ASXL2: variants seen among roughly 807,000 people sequenced by gnomAD.
ASXL2 encodes ASXL transcriptional regulator 2.
ASXL2 carries 23 observed loss-of-function variants against 122.0 expected under a neutral mutation model. That is an observed-to-expected ratio of 0.19 (90% CI 0.14 to 0.27). The LOEUF is 0.27. ASXL2 is among the 10% of genes least tolerant of loss of function. The pLI is 1.00. For synonymous variants in ASXL2, 650 were observed against 637.0 expected (o/e 1.02, Z -0.31); for missense variants, 1,518 against 1,713.8 (o/e 0.89, Z 2.02).
At chr2:25,763,674 T>G (rs1439702821) in intron 8 of ASXL2, among the ~76,000 whole-genome samples, 3 of 152,188 alleles carry the variant, frequency 2.0e-5, no homozygotes, top group African/African-American at 7.2e-5. Flanking sequence ...ACATAGGGCT[T>G]CCTAAGTGCC....
At position 25,845,439 on chromosome 2, in the gene ASXL2, T is replaced by A. The variant is rs538517276; in HGVS notation, c.140+42A>T. ...TATTATATACTACCAAATACTCTGA[T>A]CAAGTATTATAATTATTACTAAAAA... is the stretch of plus-strand genomic sequence containing the variant. On this transcript the variant is annotated intron_variant, in intron 2 of 12. Coordinates refer to ENST00000435504, the MANE Select transcript of ASXL2 (RefSeq NM_018263.6). The A allele has an allele frequency of 3.7e-4, 494 of 1,350,542 alleles. 1 individual carries two copies. In the African/African-American group the frequency reaches 6.9e-3, roughly 19 times the overall value. The allele number at this position is 1,350,542 out of a possible 1,614,324, so 83.7% of individuals were successfully genotyped here.
chr2:25,874,480 C>T (rs1392788194), intron 1 of ASXL2, among the ~76,000 whole-genome samples: 1 of 152,134 alleles, frequency 6.6e-6, no homozygotes, highest in Non-Finnish European at 1.5e-5. Flanking sequence ...CCAAGTGAGA[C>T]CCCGTCTCAC....
At chr2:25,793,095 T>C (rs1427496158) in intron 5 of ASXL2, among the ~76,000 whole-genome samples, 3 of 151,750 alleles carry the variant, frequency 2.0e-5, no homozygotes, top group Admixed American at 2.0e-4. Flanking sequence ...TCTACTGGTA[T>C]GGTGGTGCAC....
intron 5 of ASXL2, among the ~76,000 whole-genome samples, chr2:25,783,138 A>G (rs2088674191): frequency 6.6e-6 from 1 of 152,146 alleles, no homozygotes; most frequent in East Asian, 1.9e-4. Flanking sequence ...CAAAATAAAT[A>G]AATAAATAAA....
At chr2:25,811,101 A>ACACAC (rs1553701387) in intron 3 of ASXL2, among the ~76,000 whole-genome samples, 5 of 67,418 alleles carry the variant, frequency 7.4e-5, no homozygotes, top group Non-Finnish European at 1.8e-4. Flanking sequence ...CACACACACA[A>ACACAC]AATCAGCCAT....
At chr2:25,868,320 C>G (rs2089926037) in intron 1 of ASXL2, among the ~76,000 whole-genome samples, 1 of 152,226 alleles carries the variant, frequency 6.6e-6, no homozygotes, top group Non-Finnish European at 1.5e-5. Context: ...TGGGCCATCC[C>G]AGGCTGTGAA....
At chr2:25,877,958 G>A (rs913828848) in intron 1 of ASXL2, among the ~76,000 whole-genome samples, 3 of 152,180 alleles carry the variant, frequency 2.0e-5, no homozygotes, top group Admixed American at 6.5e-5. Context: ...AGACGCCGAG[G>A]GACGCCACGG....
At chr2:25,821,452 C>T (rs1377203281) in intron 3 of ASXL2, among the ~76,000 whole-genome samples, 4 of 151,644 alleles carry the variant, frequency 2.6e-5, no homozygotes, top group Non-Finnish European at 5.9e-5. Context: ...AACTACACCT[C>T]AATAAAGTTG....
chr2:25,854,852 T>C (rs2089758037), intron 1 of ASXL2, among the ~76,000 whole-genome samples: 1 of 152,156 alleles, frequency 6.6e-6, no homozygotes, highest in Non-Finnish European at 1.5e-5. Context: ...CCTATTCCAC[T>C]CATCCTCTAT....
At chr2:25,788,539 T>A (rs1034681952) in intron 5 of ASXL2, among the ~76,000 whole-genome samples, 1 of 152,188 alleles carries the variant, frequency 6.6e-6, no homozygotes, top group African/African-American at 2.4e-5. Flanking sequence ...GTACTAGTTG[T>A]ACTAGTTTAA....
rs759626704 is a variant in ASXL2 at position 25,743,069 on chromosome 2, A to G, written c.3268T>C (p.Phe1090Leu). The G allele has an allele frequency of 1.4e-5, 22 of 1,614,008 alleles. No individual in the cohort carries two copies. Among genetic ancestry groups the G allele is most frequent in the Non-Finnish European group, 1.9e-5 (22 of 1,179,892 alleles). Residue 1090 changes from phenylalanine (F) to leucine (L), a missense_variant, in exon 13 of 13, where the codon TTC (phenylalanine) becomes CTC (leucine). Phe to Leu is a conservative substitution (Grantham distance 22). Around this residue, in one of 8 missense-constraint regions of ASXL2, gnomAD observed 831 missense variants for 833.1 expected, o/e 1.00. Coordinates refer to ENST00000435504, the MANE Select transcript of ASXL2 (RefSeq NM_018263.6). ...LSVVPPSQFN[F>L]AHSGFQLEDI... ...TCCAGCTGGAAACCTGAGTGAGCGA[A>G]GTTGAACTGTGAGGGCGGCACAACT...
intron 3 of ASXL2, among the ~76,000 whole-genome samples, chr2:25,834,294 A>G (rs1253514543): frequency 1.3e-5 from 2 of 152,142 alleles, no homozygotes; most frequent in African/African-American, 2.4e-5. Context: ...CAGAGGTTGC[A>G]GTGAGCCGAG....
chr2:25,823,070 C>A (rs2089330522), intron 3 of ASXL2: 2 of 431,922 alleles, frequency 4.6e-6, no homozygotes, highest in Non-Finnish European at 9.2e-6. Context: ...CCTACTTTGA[C>A]CCATTTTTCA....
intron 5 of ASXL2, among the ~76,000 whole-genome samples, chr2:25,775,286 C>G (rs1309093879): frequency 6.6e-6 from 1 of 152,120 alleles, no homozygotes; most frequent in Non-Finnish European, 1.5e-5. Context: ...CACCACCACG[C>G]CCAGCTAATT....
At chr2:25,811,179 G>T (rs2089165431) in intron 3 of ASXL2, among the ~76,000 whole-genome samples, 1 of 151,714 alleles carries the variant, frequency 6.6e-6, no homozygotes, top group Non-Finnish European at 1.5e-5. Context: ...CCTGAGCCCA[G>T]GAAGTTGAGG....
intron 2 of ASXL2, among the ~76,000 whole-genome samples, chr2:25,843,060 G>A (rs1343528032): frequency 1.3e-5 from 2 of 151,466 alleles, no homozygotes; most frequent in Non-Finnish European, 1.5e-5. Context: ...CAGCACTTTG[G>A]GAGGCCAAGG....
intron 3 of ASXL2, among the ~76,000 whole-genome samples, chr2:25,832,745 T>C (rs922548776): frequency 2.6e-5 from 4 of 152,200 alleles, no homozygotes; most frequent in African/African-American, 7.2e-5. Context: ...CAAATGTTCA[T>C]AGAAGTTTTA....
At position 25,742,640 on chromosome 2, in the gene ASXL2, C is replaced by A; in HGVS notation, c.3697G>T (p.Ala1233Ser). The change falls in exon 13 of 13, where the codon GCT becomes TCT. Residue 1233 changes from alanine (A) to serine (S), a missense_variant. Transcript: ENST00000435504. ...GTTTGCTCATTCAATGGTATCTCAG[C>A]CTTCACATTCTTGCTAGCTAAGCAA... ...SDCLASKNVK[A>S]EIPLNEQTTL... 6.2e-7 allele frequency: 1 copy of A among 1,613,956 alleles called. No individual in the cohort carries two copies. The highest frequency in any genetic ancestry group is 1.3e-5 in the African/African-American group (1 of 75,046).
At position 25,811,731 on chromosome 2, in the gene ASXL2, T is replaced by C. The variant is rs114762340; in HGVS notation, c.144-5394A>G. ...GTCAATTTCCTGGTTTGATATAATA[T>C]GTATTTATATTTATATTTGTATTTA... On this transcript the variant is annotated intron_variant, in intron 3 of 12. Transcript: ENST00000435504. Among the ~76,000 whole-genome samples, 687 of 152,196 alleles carry C rather than the reference T, an allele frequency of 4.5e-3. 11 individuals are homozygous for C. The highest frequency in any genetic ancestry group is 0.016 in the African/African-American group (666 of 41,528).
Sources: allele counts gnomAD v4.1 joint callset (sites outside exome capture counted in the v4.1 genomes callset), GRCh38; gene constraint gnomAD v4.1.1; regional missense constraint gnomAD v4.1.1; transcripts MANE v1.5; gene names NCBI Gene and HGNC (gene_info 2026-07-23, HGNC 2026-07-21).